Variants in APC2 observed in about 807,000 individuals in gnomAD.
APC2 encodes the protein APC regulator of Wnt signaling pathway 2, also known as adenomatous polyposis coli protein 2.
A neutral mutation model predicts 72.5 loss-of-function variants in APC2; 41 were observed. That is an observed-to-expected ratio of 0.57 (90% confidence interval 0.44 to 0.73). APC2 has a LOEUF of 0.73. Among genes scored for constraint, APC2 ranks in the 30% least tolerant of loss-of-function variants. The pLI is 0.00. For missense variants in APC2, 3,729 were observed against 3,403.4 expected (o/e 1.10, Z -2.38); for synonymous variants, 1,898 against 1,612.0 (o/e 1.18, Z -4.25).
chr19:1,469,411 T>C lies in APC2; in HGVS notation c.6110T>C (p.Phe2037Ser). Residue 2037 changes from phenylalanine (F) to serine (S), a missense_variant, in exon 15 of 15, where the codon TTC becomes TCC. Phe to Ser is a radical substitution (Grantham distance 155). Coordinates refer to ENST00000590469, the MANE Select transcript of APC2 (RefSeq NM_005883.3). ...GGCCGGCCCGCGCTGCCCGCCGTCT[T>C]CCTCTGCTCCTCGCGCTGCGAAGAG... ...RRGRPALPAV[F>S]LCSSRCEELR... 3 of 1,191,544 alleles carry C rather than the reference T, an allele frequency of 2.5e-6. No homozygotes were observed. Among genetic ancestry groups the C allele is most frequent in the Non-Finnish European group, 3.1e-6 (3 of 964,272 alleles). The allele number at this position is 1,191,544 out of a possible 1,614,324, so 73.8% of individuals were successfully genotyped here. A position where few individuals can be genotyped will look rare whatever the true frequency, so the allele number is the denominator to read the frequency against.
At position 1,457,960 on chromosome 19, in the gene APC2, C is replaced by G. The variant is rs1009737272; in HGVS notation, c.1208-5C>G. The G allele has an allele frequency of 1.3e-6, 2 of 1,550,032 alleles. No individual in the cohort carries two copies. The highest frequency in any genetic ancestry group is 2.0e-5 in the Admixed American group (1 of 50,906). Reference sequence around the variant, plus strand: ...GGGGCTCTGATCTGGTCCCTGTGCCCACAGCCCCGATCCCCATCGAGCCGC... The same window carrying G: ...GGGGCTCTGATCTGGTCCCTGTGCCGACAGCCCCGATCCCCATCGAGCCGC... On this transcript the variant is annotated splice_polypyrimidine_tract_variant and splice_region_variant and intron_variant, in intron 9 of 14. Coordinates refer to ENST00000590469, the MANE Select transcript of APC2 (RefSeq NM_005883.3).
upstream of APC2, among the ~76,000 whole-genome samples, chr19:1,449,941 C>T (rs983259040): frequency 2.6e-5 from 4 of 152,162 alleles, no homozygotes; most frequent in African/African-American, 9.7e-5. Flanking sequence ...CCCCTTCCCT[C>T]GGGGGGGTTT....
chr19:1,453,150 C>T lies in APC2; in HGVS notation c.141+8C>T. The T allele has an allele frequency of 6.3e-7, 1 of 1,596,280 alleles. No homozygotes were observed. The highest frequency in any genetic ancestry group is 8.5e-7 in the Non-Finnish European group (1 of 1,171,966). On this transcript the variant is annotated splice_region_variant and intron_variant, in intron 2 of 14. Transcript: ENST00000590469. ...GAGACGTCGGGCATGAAGGTGGGGG[C>T]CTACATGGAGGAGGTGGGCTAGGGT...
chr19:1,458,029 T>C lies in APC2; in HGVS notation c.1272T>C (p.Asp424=). 9 of 1,566,844 alleles carry C rather than the reference T, an allele frequency of 5.7e-6. No individual in the cohort carries two copies. Among genetic ancestry groups the C allele is most frequent in the Non-Finnish European group, 7.8e-6 (9 of 1,154,580 alleles). The change falls in exon 10 of 15, where the codon GAT becomes GAC. Residue 424 remains aspartate, a synonymous_variant. Coordinates refer to ENST00000590469, the MANE Select transcript of APC2 (RefSeq NM_005883.3). ...ATCAVMKLSF[D]EEYRRAMNEL... is the part of the protein sequence containing the mutation. ...GTGCTGTTATGAAGCTGTCCTTTGA[T>C]GAGGAGTACCGCCGTGCCATGAACG...
chr19:1,468,995 G>A lies in APC2; in HGVS notation c.5694G>A (p.Gly1898=). 6.4e-7 allele frequency: 1 copy of A among 1,555,560 alleles called. No individual in the cohort carries two copies. Residue 1898 remains glycine (G), a synonymous_variant, in exon 15 of 15, where the codon GGG becomes GGA. Transcript: ENST00000590469. ...GCCCCCCGGTCACCCAGGCTGCTGGGGCCCTGCCCGGCCCCGGAGCCTCCC... is the reference window on the plus strand; with the variant it reads ...GCCCCCCGGTCACCCAGGCTGCTGGAGCCCTGCCCGGCCCCGGAGCCTCCC... ...RKRPPVTQAA[G]ALPGPGASPV...
At chr19:1,457,723 G>T in intron 9 of APC2, 1 of 580,562 alleles carries the variant, frequency 1.7e-6, no homozygotes, top group Non-Finnish European at 3.1e-6. Context: ...AAAAAGGGCA[G>T]AAGCACAGCT....
chr19:1,463,307 A>G (rs1428654493), intron 14 of APC2, among the ~76,000 whole-genome samples: 2 of 151,388 alleles, frequency 1.3e-5, no homozygotes, highest in African/African-American at 4.9e-5. Flanking sequence ...GGTCCCAGCT[A>G]CTCGGGAGAC....
rs1287711652 is a variant in APC2, at chr19:1,467,120, G to A, written c.3819G>A (p.Ser1273=). 8 of 1,596,174 alleles carry A rather than the reference G, an allele frequency of 5.0e-6. No individual in the cohort carries two copies. The highest frequency in any genetic ancestry group is 6.8e-6 in the Non-Finnish European group (8 of 1,171,018). ...TGGAGAAGCCAGACGAGAACTTCTC[G>A]TGCGCCTCCAGCCTCAGCGCGCTGG... is the stretch of plus-strand genomic sequence containing the variant. ...FTVEKPDENF[S]CASSLSALAL... The change falls in exon 15 of 15, where the codon TCG becomes TCA. Residue 1273 remains serine (S), a synonymous_variant. Coordinates refer to ENST00000590469, the MANE Select transcript of APC2 (RefSeq NM_005883.3).
rs1454094430 is a variant in APC2, at chr19:1,461,401, C to T, written c.1638+248C>T. On this transcript the variant is annotated intron_variant, in intron 13 of 14. Coordinates refer to ENST00000590469, the MANE Select transcript of APC2 (RefSeq NM_005883.3). ...ACCAGCCTGGCCAACATGGTCAGAC[C>T]CCATCTCTACTAAAAAAAACAGCCA... is the stretch of plus-strand genomic sequence containing the variant. The T allele has an allele frequency of 1.4e-5, 8 of 554,374 alleles. No homozygotes were observed. The Admixed American group carries it at 2.2e-4, about 16-fold the overall frequency. The allele number at this position is 554,374 out of a possible 1,614,324, so 34.3% of individuals were successfully genotyped here.
At chr19:1,447,982 G>T (rs537323965), upstream of APC2, among the ~76,000 whole-genome samples, 19 of 151,762 alleles carry the variant, frequency 1.3e-4, no homozygotes, top group African/African-American at 4.6e-4. Flanking sequence ...GTTCCTCTTT[G>T]GGGGAGGCAG....
chr19:1,454,194 C>T (rs940953618), intron 4 of APC2, among the ~76,000 whole-genome samples: 4 of 152,064 alleles, frequency 2.6e-5, no homozygotes, highest in African/African-American at 7.2e-5. Flanking sequence ...TCGGAATGGC[C>T]GTGTCTCCCA....
At position 1,465,914 on chromosome 19, in the gene APC2, C is replaced by T. The variant is rs776775061; in HGVS notation, c.2613C>T (p.Ser871=). Residue 871 remains serine, a synonymous_variant, in exon 15 of 15, where the codon AGC becomes AGT. Coordinates refer to ENST00000590469, the MANE Select transcript of APC2 (RefSeq NM_005883.3). ...ISALHTSSDD[S]FSLSSGDPGQ... ...CCCTGCACACCTCGTCCGACGATAG[C>T]TTCAGCCTCAGCTCTGGAGACCCGG... The T allele has an allele frequency of 3.8e-6, 6 of 1,585,852 alleles. No homozygotes were observed. The highest frequency in any genetic ancestry group is 4.3e-6 in the Non-Finnish European group (5 of 1,169,938).
chr19:1,465,723 A>G lies in APC2; in HGVS notation c.2422A>G (p.Ser808Gly). ...SPAALSLFLG[S>G]PFLQGQALAR... ...TGCCGCGCTGTCCCTCTTCCTGGGC[A>G]GCCCCTTCCTGCAGGGGCAGGCGCT... Residue 808 changes from serine to glycine, a missense_variant, in exon 15 of 15, where the codon AGC (serine) becomes GGC (glycine). By Grantham distance (56) the Ser-to-Gly change is moderately conservative. Coordinates refer to ENST00000590469, the MANE Select transcript of APC2 (RefSeq NM_005883.3). 6.4e-7 allele frequency: 1 copy of G among 1,559,922 alleles called. No individual in the cohort carries two copies.
chr19:1,462,234 G>T (rs2083938696), intron 14 of APC2, 57 bp downstream of exon 14: 2 of 1,457,152 alleles, frequency 1.4e-6, no homozygotes, highest in Middle Eastern at 2.5e-4. Context: ...CGGGCACAGG[G>T]CTGGGCTGGG....
chr19:1,468,901 G>A lies in APC2; in HGVS notation c.5600G>A (p.Arg1867His). 2.0e-6 allele frequency: 3 copies of A among 1,506,626 alleles called. No individual in the cohort carries two copies. Among genetic ancestry groups the A allele is most frequent in the South Asian group, 1.2e-5 (1 of 80,170 alleles). The allele number at this position is 1,506,626 out of a possible 1,614,324, so 93.3% of individuals were successfully genotyped here. A position where few individuals can be genotyped will look rare whatever the true frequency, so the allele number is the denominator to read the frequency against. ...CCCAGAAGCGCCACACCGCCCGCCC[G>A]CCTCGCCAAGACCCCCTCCTCCAGC... ...QPPRSATPPA[R>H]LAKTPSSSSS... Residue 1867 changes from arginine (R) to histidine (H), a missense_variant, in exon 15 of 15, where the codon CGC (arginine) becomes CAC (histidine). Arg to His is a conservative substitution (Grantham distance 29). Transcript: ENST00000590469.
In APC2 at chr19:1,467,310, G is replaced by T; in HGVS notation, c.4009G>T (p.Asp1337Tyr). 7.4e-7 allele frequency: 1 copy of T among 1,346,710 alleles called. No individual in the cohort carries two copies. Among genetic ancestry groups the T allele is most frequent in the Non-Finnish European group, 9.5e-7 (1 of 1,052,026 alleles). The allele number at this position is 1,346,710 out of a possible 1,614,324, so 83.4% of individuals were successfully genotyped here. ...GGGTTCTCGCCCTCGCGGCGCCGCG[G>T]ACCAGGAGCTGGAACTGCTGCGGGA... ...PTGSRPRGAA[D>Y]QELELLRECL... The change falls in exon 15 of 15, where the codon GAC becomes TAC. Residue 1337 changes from aspartate to tyrosine, a missense_variant. By Grantham distance (160) the Asp-to-Tyr change is radical (BLOSUM62 -3). Coordinates refer to ENST00000590469, the MANE Select transcript of APC2 (RefSeq NM_005883.3).
In APC2 at chr19:1,466,204, A is replaced by T; in HGVS notation, c.2903A>T (p.Asp968Val). 1 of 1,559,524 alleles carries T rather than the reference A, an allele frequency of 6.4e-7. No individual in the cohort carries two copies. The highest frequency in any genetic ancestry group is 2.3e-5 in the East Asian group (1 of 42,712). Residue 968 changes from aspartate to valine, a missense_variant, in exon 15 of 15, where the codon GAC becomes GTC. Coordinates refer to ENST00000590469, the MANE Select transcript of APC2 (RefSeq NM_005883.3). ...GGGCAGCCTCGGCCCAGCCGGCTTG[A>T]CCTTGACCTGCCCGGCTGCCAGGCC... ...RCGQPRPSRL[D>V]LDLPGCQAEP...
At chr19:1,464,758 G>T (rs763555491) in intron 14 of APC2, among the ~76,000 whole-genome samples, 1 of 146,926 alleles carries the variant, frequency 6.8e-6, no homozygotes, top group African/African-American at 2.6e-5. Context: ...TCGGCCTCCC[G>T]GGTGGCTGGG....
intron 4 of APC2, 38 bp downstream of exon 4, chr19:1,453,649 G>A (rs1299440452): frequency 1.9e-6 from 3 of 1,562,938 alleles, no homozygotes; most frequent in South Asian, 1.2e-5. Context: ...GGCAGCTGGA[G>A]CATGACTCGG....
Sources: allele counts gnomAD v4.1 joint callset (sites outside exome capture counted in the v4.1 genomes callset), GRCh38; gene constraint gnomAD v4.1.1; transcripts MANE v1.5; gene names NCBI Gene and HGNC (gene_info 2026-07-23, HGNC 2026-07-21).